Variants in GRIN2B observed in about 807,000 individuals in gnomAD.
The protein encoded by GRIN2B is glutamate ionotropic receptor NMDA type subunit 2B, also known as glutamate receptor ionotropic, NMDA 2B.
Under a neutral mutation model 114.5 loss-of-function variants are expected in GRIN2B, and 5 were observed. The observed-to-expected ratio is 0.04, with a 90% CI of 0.02 to 0.09. The LOEUF (loss-of-function observed/expected upper bound fraction) is 0.09. GRIN2B is among the 10% of genes least tolerant of loss of function. The probability of loss-of-function intolerance (pLI) is 1.00; values close to 1 mark genes in which losing one functional copy is unlikely to be tolerated. For synonymous variants in GRIN2B, 787 were observed against 745.1 expected (o/e 1.06, Z -0.92); for missense variants, 1,108 against 1,943.5 (o/e 0.57, Z 8.08).
At chr12:13,642,989 A>T (rs576693536) in intron 5 of GRIN2B, among the ~76,000 whole-genome samples, 1 of 152,282 alleles carries the variant, frequency 6.6e-6, no homozygotes, top group East Asian at 1.9e-4. Context: ...ATACACCATC[A>T]ATTATAGCAG....
chr12:13,879,192 T>C (rs570784622), intron 2 of GRIN2B, among the ~76,000 whole-genome samples: 1 of 152,206 alleles, frequency 6.6e-6, no homozygotes, highest in South Asian at 2.1e-4. Flanking sequence ...ATGGAGTGTA[T>C]TTACACAAAG....
intron 4 of GRIN2B, among the ~76,000 whole-genome samples, chr12:13,739,756 T>C (rs1425217616): frequency 6.6e-6 from 1 of 152,176 alleles, no homozygotes; most frequent in Non-Finnish European, 1.5e-5. Flanking sequence ...GGAACTGGGC[T>C]GGGGAAGGAA....
At chr12:13,969,673 A>T (rs1344193715) in intron 2 of GRIN2B, among the ~76,000 whole-genome samples, 1 of 152,204 alleles carries the variant, frequency 6.6e-6, no homozygotes, top group Non-Finnish European at 1.5e-5. Context: ...TGATTACATA[A>T]TTCCAGGACC....
chr12:13,879,653 GAC>G (rs1181950804), intron 2 of GRIN2B, among the ~76,000 whole-genome samples: 6 of 152,238 alleles, frequency 3.9e-5, no homozygotes, highest in African/African-American at 1.4e-4. Context: ...CCAGCCTCTT[GAC>G]CCTGCTAGAA....
intron 2 of GRIN2B, among the ~76,000 whole-genome samples, chr12:13,902,995 ATAATTTT>A (rs1866479235): frequency 6.6e-6 from 1 of 152,124 alleles, no homozygotes; most frequent in Admixed American, 6.5e-5. Flanking sequence ...ATATTCTCCA[ATAATTTT>A]TCTATTTCAA....
chr12:13,790,603 T>C (rs150849812), intron 3 of GRIN2B, among the ~76,000 whole-genome samples: 1 of 152,334 alleles, frequency 6.6e-6, no homozygotes, highest in East Asian at 1.9e-4. Context: ...TTTGGGGTAA[T>C]TGCATTTTAT....
chr12:13,976,630 T>A (rs1863025282), intron 2 of GRIN2B, among the ~76,000 whole-genome samples: 1 of 152,220 alleles, frequency 6.6e-6, no homozygotes, highest in South Asian at 2.1e-4. Flanking sequence ...GATTATGATT[T>A]CTTCCCATAC....
At chr12:13,965,849 A>C (rs1209790209) in intron 2 of GRIN2B, among the ~76,000 whole-genome samples, 1 of 152,178 alleles carries the variant, frequency 6.6e-6, no homozygotes, top group African/African-American at 2.4e-5. Context: ...ATGATATGTC[A>C]ATCTTTCTTC....
intron 2 of GRIN2B, among the ~76,000 whole-genome samples, chr12:13,967,001 A>T (rs1044674141): frequency 6.6e-6 from 1 of 152,226 alleles, no homozygotes; most frequent in African/African-American, 2.4e-5. Context: ...CTGCAGAAAG[A>T]AAGGTGGAGA....
chr12:13,835,118 A>T (rs909701900), intron 3 of GRIN2B, among the ~76,000 whole-genome samples: 1 of 152,222 alleles, frequency 6.6e-6, no homozygotes, highest in Non-Finnish European at 1.5e-5. Context: ...ACAGACTGTA[A>T]TTCAACTGGC....
intron 2 of GRIN2B, among the ~76,000 whole-genome samples, chr12:13,870,148 G>A (rs1865884126): frequency 2.0e-5 from 3 of 152,140 alleles, no homozygotes; most frequent in South Asian, 2.1e-4. Flanking sequence ...TTCCCTGAGC[G>A]ATATAACTCC....
intron 3 of GRIN2B, among the ~76,000 whole-genome samples, chr12:13,773,031 C>A (rs1407834230): frequency 1.3e-5 from 2 of 152,164 alleles, no homozygotes; most frequent in African/African-American, 2.4e-5. Flanking sequence ...CCAACACAAT[C>A]ATAGGAAGAA....
chr12:13,814,788 T>A (rs145868210), intron 3 of GRIN2B, among the ~76,000 whole-genome samples: 2,451 of 152,290 alleles, frequency 0.016, 78 homozygotes, highest in African/African-American at 0.057. Context: ...ATTTATTTAA[T>A]TTTAACTAAT....
At chr12:13,929,938 C>T (rs1866993720) in intron 2 of GRIN2B, among the ~76,000 whole-genome samples, 1 of 152,148 alleles carries the variant, frequency 6.6e-6, no homozygotes, top group Admixed American at 6.5e-5. Flanking sequence ...GTAATCTCAG[C>T]ACTTTGGGAG....
intron 5 of GRIN2B, among the ~76,000 whole-genome samples, chr12:13,662,667 T>C (rs868515091): frequency 2.0e-5 from 3 of 152,114 alleles, no homozygotes; most frequent in South Asian, 2.1e-4. Flanking sequence ...TGCCCAGCCC[T>C]TAGTAGGGGC....
At chr12:13,757,806 G>A (rs1863604876) in intron 3 of GRIN2B, among the ~76,000 whole-genome samples, 1 of 152,092 alleles carries the variant, frequency 6.6e-6, no homozygotes, top group African/African-American at 2.4e-5. Context: ...TTTGATGTTT[G>A]TGGTGTTTAT....
chr12:13,889,905 G>A (rs769745365), intron 2 of GRIN2B, among the ~76,000 whole-genome samples: 3 of 152,174 alleles, frequency 2.0e-5, no homozygotes, highest in African/African-American at 4.8e-5. Context: ...TTCAGTGACC[G>A]TCATTCTCCA....
chr12:13,883,159 G>T (rs1036400734), intron 2 of GRIN2B, among the ~76,000 whole-genome samples: 1 of 152,152 alleles, frequency 6.6e-6, no homozygotes, highest in African/African-American at 2.4e-5. Context: ...ATTCACTGTT[G>T]ATGGACATTA....
intron 3 of GRIN2B, among the ~76,000 whole-genome samples, chr12:13,842,150 G>A (rs116884200): frequency 1.8e-4 from 27 of 152,214 alleles, no homozygotes; most frequent in Non-Finnish European, 3.1e-4. Context: ...AGGGAGCTTC[G>A]TATAACCATA....
Sources: gnomAD v4.1 joint callset for allele counts (sites outside exome capture counted in the v4.1 genomes callset) on GRCh38, gnomAD v4.1.1 for gene constraint, MANE v1.5 for transcripts, NCBI Gene and HGNC (gene_info 2026-07-23, HGNC 2026-07-21) for gene names.